Variants in POLR2J observed in about 807,000 individuals in gnomAD.
The protein encoded by POLR2J is RNA polymerase II subunit J.
Under a neutral mutation model 13.4 loss-of-function variants are expected in POLR2J, and 12 were observed. The ratio of observed to expected loss-of-function variants is 0.90; its 90% CI spans 0.57 to 1.45. The LOEUF (loss-of-function observed/expected upper bound fraction) is 1.45, where lower values mean the gene tolerates loss of function less well. POLR2J is among the 40% of genes most tolerant of loss of function. POLR2J has a pLI of 0.00. For synonymous variants in POLR2J, 31 were observed against 53.6 expected (o/e 0.58, Z 1.84); for missense variants, 58 against 132.0 (o/e 0.44, Z 2.75).
Position 102,473,685 on chromosome 7 carries a change from C to CTGGGAGAGAAGAAGGTGGTGGAGA in POLR2J, c.319-25_319-2dup, listed in dbSNP as rs763356697. The stretch of plus-strand genomic sequence containing the variant: ...CTTCCTGCTTGTCTTTTATGGCCAC[C>CTGGGAGAGAAGAAGGTGGTGGAGA]TGGGAGAGAAGAAGGTGGTGGAGAC... On this transcript the variant is annotated splice_acceptor_variant, in intron 3 of 3. Transcript: ENST00000292614. LOFTEE classifies it high-confidence loss of function. The CTGGGAGAGAAGAAGGTGGTGGAGA allele has an allele frequency of 3.5e-5, 57 of 1,613,892 alleles. No homozygotes were observed. The African/African-American group carries it at 6.9e-4, about 20-fold the overall frequency.
rs1425829049 is a variant in POLR2J at position 102,473,706 on chromosome 7, G to C, written c.319-22C>G. On this transcript the variant is annotated intron_variant, in intron 3 of 3. Transcript: ENST00000292614. Reference sequence around the variant, plus strand: ...CCACCTGGGAGAGAAGAAGGTGGTGGAGACTGAGCTGGAACAGCTGGGGCA... The same window carrying C: ...CCACCTGGGAGAGAAGAAGGTGGTGCAGACTGAGCTGGAACAGCTGGGGCA... 4 of 1,613,638 alleles carry C rather than the reference G, an allele frequency of 2.5e-6. No individual in the cohort carries two copies. In the African/African-American group the frequency reaches 5.3e-5, roughly 22 times the overall value.
In POLR2J at chr7:102,473,299, TCAGCA is replaced by T; in HGVS notation, c.*345_*349del. On this transcript the variant is annotated 3_prime_UTR_variant, in exon 4 of 4. Coordinates refer to ENST00000292614, the MANE Select transcript of POLR2J (RefSeq NM_006234.6). ...ATGGGTTTGCACACTTCTCTCCGGC[TCAGCA>T]CAGCCCCCGCAGCAGCCCCTGGACC... 1 of 582,358 alleles carries T rather than the reference TCAGCA, an allele frequency of 1.7e-6. No homozygotes were observed. Among genetic ancestry groups the T allele is most frequent in the Non-Finnish European group, 2.9e-6 (1 of 339,352 alleles). The allele number at this position is 582,358 out of a possible 1,614,324, so 36.1% of individuals were successfully genotyped here.
At chr7:102,477,981 G>A (rs1798472771) in intron 1 of POLR2J, among the ~76,000 whole-genome samples, 1 of 121,728 alleles carries the variant, frequency 8.2e-6, no homozygotes, top group African/African-American at 2.9e-5. Context: ...CACCTGGCCA[G>A]ATCCCTTTTT....
Position 102,473,645 on chromosome 7 carries a change from G to C in POLR2J, c.*4C>G. The C allele has an allele frequency of 6.2e-7, 1 of 1,613,896 alleles. No homozygotes were observed. The highest frequency in any genetic ancestry group is 8.5e-7 in the Non-Finnish European group (1 of 1,179,930). The stretch of plus-strand genomic sequence containing the variant: ...CACAGGCCGAGCAGAGCCCCCTCTG[G>C]CCCCTACTCAATTCCTTCCTGCTTG... On this transcript the variant is annotated 3_prime_UTR_variant, in exon 4 of 4. Transcript: ENST00000292614.
At position 102,473,167 on chromosome 7, in the gene POLR2J, A is replaced by C; in HGVS notation, c.*482T>G. 1 of 1,199,984 alleles carries C rather than the reference A, an allele frequency of 8.3e-7. No individual in the cohort carries two copies. Among genetic ancestry groups the C allele is most frequent in the Non-Finnish European group, 1.2e-6 (1 of 867,598 alleles). 74.3% of individuals were successfully genotyped at this position (1,199,984 alleles called of 1,614,324 possible). A position where few individuals can be genotyped will look rare whatever the true frequency, so the allele number is the denominator to read the frequency against. On this transcript the variant is annotated 3_prime_UTR_variant, in exon 4 of 4. Coordinates refer to ENST00000292614, the MANE Select transcript of POLR2J (RefSeq NM_006234.6). Reference sequence around the variant, plus strand: ...TTTATTAAACTCTACTGTGGACAAGAAGCCTGTGGAAAGGTGTTTCGAGTT... The same window carrying C: ...TTTATTAAACTCTACTGTGGACAAGCAGCCTGTGGAAAGGTGTTTCGAGTT...
intron 2 of POLR2J, among the ~76,000 whole-genome samples, chr7:102,475,421 G>T (rs1798399162): frequency 6.6e-6 from 1 of 152,198 alleles, no homozygotes; most frequent in Admixed American, 6.5e-5. Context: ...GCACTGGATA[G>T]CCACAGAACT....
At chr7:102,475,471 G>C (rs1295139754) in intron 2 of POLR2J, among the ~76,000 whole-genome samples, 2 of 152,184 alleles carry the variant, frequency 1.3e-5, no homozygotes, top group African/African-American at 4.8e-5. Flanking sequence ...TCTAGTCTCT[G>C]CCACATACAT....
chr7:102,473,486 A>G lies in POLR2J; in HGVS notation c.*163T>C. The G allele has an allele frequency of 2.3e-6, 2 of 875,276 alleles. No homozygotes were observed. Among genetic ancestry groups the G allele is most frequent in the Non-Finnish European group, 3.1e-6 (2 of 643,692 alleles). 54.2% of individuals were successfully genotyped at this position (875,276 alleles called of 1,614,324 possible). On this transcript the variant is annotated 3_prime_UTR_variant, in exon 4 of 4. Coordinates refer to ENST00000292614, the MANE Select transcript of POLR2J (RefSeq NM_006234.6). ...TCCCGCTATACTTTATTAGGAATAT[A>G]AAACCTAATCTATGTACAGGACACG...
At position 102,474,267 on chromosome 7, in the gene POLR2J, G is replaced by A; in HGVS notation, c.318+94C>T. On this transcript the variant is annotated intron_variant, in intron 3 of 3. Transcript: ENST00000292614. Reference sequence around the variant, plus strand: ...TCCATCACTGCCGCCTCTCCCCCAGGACCTCCGAAGAAACAGGCCAGGGCT... The same window carrying A: ...TCCATCACTGCCGCCTCTCCCCCAGAACCTCCGAAGAAACAGGCCAGGGCT... 4 of 1,607,998 alleles carry A rather than the reference G, an allele frequency of 2.5e-6. No homozygotes were observed. In the South Asian group the frequency reaches 3.3e-5, roughly 13 times the overall value.
chr7:102,473,256 A>G lies in POLR2J; in HGVS notation c.*393T>C. The G allele has an allele frequency of 3.1e-6, 2 of 654,952 alleles. No homozygotes were observed. Among genetic ancestry groups the G allele is most frequent in the South Asian group, 2.1e-5 (1 of 47,790 alleles). The allele number at this position is 654,952 out of a possible 1,614,324, so 40.6% of individuals were successfully genotyped here. On this transcript the variant is annotated 3_prime_UTR_variant, in exon 4 of 4. Coordinates refer to ENST00000292614, the MANE Select transcript of POLR2J (RefSeq NM_006234.6). The stretch of plus-strand genomic sequence containing the variant: ...GCCCAGGAGTTGAGGCTTCTAGAGC[A>G]GAGACTCTTGGGAGCTCATGGGTTT...
In POLR2J at chr7:102,478,886, C is replaced by G; in HGVS notation, c.-26G>C. 1 of 1,610,280 alleles carries G rather than the reference C, an allele frequency of 6.2e-7. No individual in the cohort carries two copies. On this transcript the variant is annotated 5_prime_UTR_variant, in exon 1 of 4. Transcript: ENST00000292614. ...GCTCCCGCCGCCGTTGCGTCCAGAC[C>G]CCAAGGGTCCGCCGCCGCCGCCACC...
rs75106520 is a variant in POLR2J at position 102,473,704 on chromosome 7, T to A, written c.319-20A>T. ...GGCCACCTGGGAGAGAAGAAGGTGGTGGAGACTGAGCTGGAACAGCTGGGG... is the reference window on the plus strand; with the variant it reads ...GGCCACCTGGGAGAGAAGAAGGTGGAGGAGACTGAGCTGGAACAGCTGGGG... On this transcript the variant is annotated intron_variant, in intron 3 of 3. Transcript: ENST00000292614. The A allele has an allele frequency of 0.067, 107,898 of 1,613,468 alleles. 3,942 individuals carry two copies. Among genetic ancestry groups the A allele is most frequent in the Non-Finnish European group, 0.074 (87,692 of 1,179,720 alleles).
chr7:102,476,598 C>T (rs1209369357), intron 1 of POLR2J, among the ~76,000 whole-genome samples: 1 of 133,746 alleles, frequency 7.5e-6, no homozygotes, highest in Non-Finnish European at 1.6e-5. Flanking sequence ...GAGATCATGC[C>T]ACTGCACTCC....
intron 3 of POLR2J, chr7:102,473,994 A>G: frequency 7.0e-7 from 1 of 1,435,834 alleles, no homozygotes; most frequent in Non-Finnish European, 9.1e-7. Flanking sequence ...TGCCAGGAAC[A>G]GGTGTGGGCC....
At position 102,478,887 on chromosome 7, in the gene POLR2J, C is replaced by T; in HGVS notation, c.-27G>A. ...CTCCCGCCGCCGTTGCGTCCAGACCCCAAGGGTCCGCCGCCGCCGCCACCA... is the reference window on the plus strand; with the variant it reads ...CTCCCGCCGCCGTTGCGTCCAGACCTCAAGGGTCCGCCGCCGCCGCCACCA... On this transcript the variant is annotated 5_prime_UTR_variant, in exon 1 of 4. Coordinates refer to ENST00000292614, the MANE Select transcript of POLR2J (RefSeq NM_006234.6). 1 of 1,610,290 alleles carries T rather than the reference C, an allele frequency of 6.2e-7. No homozygotes were observed. Among genetic ancestry groups the T allele is most frequent in the East Asian group, 2.2e-5 (1 of 44,870 alleles).
chr7:102,478,562 T>A (rs925379234), intron 1 of POLR2J, among the ~76,000 whole-genome samples: 5 of 151,644 alleles, frequency 3.3e-5, no homozygotes, highest in Non-Finnish European at 7.4e-5. Context: ...TGGGTTCGAA[T>A]ACAAGCGCCG....
At chr7:102,475,946 A>C (rs1798419637) in intron 2 of POLR2J, among the ~76,000 whole-genome samples, 1 of 112,866 alleles carries the variant, frequency 8.9e-6, no homozygotes. Flanking sequence ...ACAAACAGTG[A>C]ATGTAAATGC....
rs1472874206 is a variant in POLR2J at position 102,478,865 on chromosome 7, C to T, written c.-5G>A. The T allele has an allele frequency of 2.5e-6, 4 of 1,610,648 alleles. No homozygotes were observed. Among genetic ancestry groups the T allele is most frequent in the South Asian group, 2.2e-5 (2 of 90,988 alleles). On this transcript the variant is annotated 5_prime_UTR_variant, in exon 1 of 4. Coordinates refer to ENST00000292614, the MANE Select transcript of POLR2J (RefSeq NM_006234.6). ...GAAGGCTGGAGGGGCGTTCATGCTC[C>T]CGCCGCCGTTGCGTCCAGACCCCAA...
chr7:102,473,682 C>A lies in POLR2J; in HGVS notation c.321G>T (p.Val107=). 1 of 1,613,808 alleles carries A rather than the reference C, an allele frequency of 6.2e-7. No individual in the cohort carries two copies. The highest frequency in any genetic ancestry group is 8.5e-7 in the Non-Finnish European group (1 of 1,179,900). Residue 107 remains valine (V), a splice_region_variant and synonymous_variant, in exon 4 of 4, where the codon GTG becomes GTT. Coordinates refer to ENST00000292614, the MANE Select transcript of POLR2J (RefSeq NM_006234.6). ...ELSLLEERFR[V]AIKDKQEGIE is the part of the protein sequence containing the mutation. The stretch of plus-strand genomic sequence containing the variant: ...TTCCTTCCTGCTTGTCTTTTATGGC[C>A]ACCTGGGAGAGAAGAAGGTGGTGGA...
Sources: gnomAD v4.1 joint callset for allele counts (sites outside exome capture counted in the v4.1 genomes callset) on GRCh38, gnomAD v4.1.1 for gene constraint, MANE v1.5 for transcripts, NCBI Gene and HGNC (gene_info 2026-07-23, HGNC 2026-07-21) for gene names.